Variants in SACS observed in about 807,000 individuals in gnomAD.
The protein encoded by SACS is sacsin.
In SACS, 197 loss-of-function variants were observed where a neutral mutation model predicts 348.0. That is an observed-to-expected ratio of 0.57 (90% confidence interval 0.50 to 0.64). SACS has a LOEUF of 0.64. SACS is among the 30% of genes least tolerant of loss of function. The pLI, the probability that SACS is intolerant of heterozygous loss-of-function variation, is 0.00. For synonymous variants in SACS, 1,985 were observed against 1,910.6 expected (o/e 1.04, Z -1.02); for missense variants, 4,999 against 5,360.8 (o/e 0.93, Z 2.11).
intron 9 of SACS, among the ~76,000 whole-genome samples, chr13:23,345,936 A>G: frequency 6.6e-6 from 1 of 152,162 alleles, no homozygotes; most frequent in East Asian, 1.9e-4. Flanking sequence ...GTAAAATGAC[A>G]CACGAGGCAC....
chr13:23,334,216 A>C lies in SACS; in HGVS notation c.9660T>G (p.Ser3220=). The C allele has an allele frequency of 6.2e-7, 1 of 1,613,810 alleles. No individual in the cohort carries two copies. The highest frequency in any genetic ancestry group is 8.5e-7 in the Non-Finnish European group (1 of 1,179,812). Residue 3220 remains serine, a synonymous_variant, in exon 10 of 10, where the codon TCT becomes TCG. Transcript: ENST00000382292. ...DISSFADLLS[S]VLPREYKTKS... Reference sequence around the variant, plus strand: ...TGGTCTTATATTCTCGAGGCAACACAGAGGATAACAAATCAGCAAAGCTGG... The same window carrying C: ...TGGTCTTATATTCTCGAGGCAACACCGAGGATAACAAATCAGCAAAGCTGG...
At chr13:23,425,811 C>T (rs1434022000) in intron 1 of SACS, among the ~76,000 whole-genome samples, 2 of 152,234 alleles carry the variant, frequency 1.3e-5, no homozygotes, top group African/African-American at 2.4e-5. Flanking sequence ...GGAGTGGGCT[C>T]GTGCCTATGA....
chr13:23,383,702 G>A (rs1415100931), intron 2 of SACS, among the ~76,000 whole-genome samples: 1 of 151,974 alleles, frequency 6.6e-6, no homozygotes, highest in Non-Finnish European at 1.5e-5. Context: ...ACTGTTTAAG[G>A]AAAAACGGCA....
chr13:23,339,282 C>A lies in SACS; in HGVS notation c.4594G>T (p.Asp1532Tyr). ...CTAGTTATGTTCACAAAATCTGAAT[C>A]TGAGAATTGAGAATTGTTGAATGAC... ...LWSFNNSQFS[D>Y]SDFVNITRLG... Residue 1532 changes from aspartate to tyrosine, a missense_variant, in exon 10 of 10, where the codon GAT (aspartate) becomes TAT (tyrosine). Around this residue, in one of 6 missense-constraint regions of SACS, gnomAD observed 3,156 missense variants for 3,380.1 expected, o/e 0.93. Coordinates refer to ENST00000382292, the MANE Select transcript of SACS (RefSeq NM_014363.6). The A allele has an allele frequency of 6.2e-7, 1 of 1,604,776 alleles. No individual in the cohort carries two copies. Among genetic ancestry groups the A allele is most frequent in the Non-Finnish European group, 8.5e-7 (1 of 1,176,278 alleles).
At chr13:23,399,324 C>A (rs1872853355) in intron 2 of SACS, among the ~76,000 whole-genome samples, 2 of 152,160 alleles carry the variant, frequency 1.3e-5, no homozygotes, top group Non-Finnish European at 2.9e-5. Flanking sequence ...TCCTAAGCTA[C>A]TTGCTCTGTA....
chr13:23,338,429 G>C lies in SACS; in HGVS notation c.5447C>G (p.Thr1816Ser). The part of the protein sequence containing the change: ...DELSQKTVEC[T>S]TWLLCTCMDT... ...CATGCAAGTACACAGAAGCCACGTG[G>C]TACACTCTACTGTTTTCTGTGACAA... Residue 1816 changes from threonine to serine, a missense_variant, in exon 10 of 10, where the codon ACC (threonine) becomes AGC (serine). Physicochemically the swap from Thr to Ser is moderately conservative, Grantham distance 58 (BLOSUM62 1). This residue lies in a region of SACS where 3,156 missense variants were observed against 3,380.1 expected (regional missense o/e 0.93). Transcript: ENST00000382292. 1 of 1,614,026 alleles carries C rather than the reference G, an allele frequency of 6.2e-7. No individual in the cohort carries two copies. The highest frequency in any genetic ancestry group is 8.5e-7 in the Non-Finnish European group (1 of 1,179,990).
In SACS at chr13:23,340,331, G is replaced by A. The variant is rs373859681; in HGVS notation, c.3545C>T (p.Ala1182Val). ...GCCTACATCACACATATCTGGTGGT[G>A]CACAGAGATTACAGAGATCTCCTTT... ...VWKGDLCNLC[A>V]PPDMCDVGHA... is the part of the protein sequence containing the mutation. Residue 1182 changes from alanine (A) to valine (V), a missense_variant, in exon 10 of 10, where the codon GCA becomes GTA. Physicochemically the swap from Ala to Val is moderately conservative, Grantham distance 64. Coordinates refer to ENST00000382292, the MANE Select transcript of SACS (RefSeq NM_014363.6). 29 of 1,613,940 alleles carry A rather than the reference G, an allele frequency of 1.8e-5. No individual in the cohort carries two copies. The highest frequency in any genetic ancestry group is 2.0e-5 in the Non-Finnish European group (24 of 1,179,942).
At chr13:23,423,027 T>G (rs1330682841) in intron 1 of SACS, among the ~76,000 whole-genome samples, 2 of 152,152 alleles carry the variant, frequency 1.3e-5, no homozygotes, top group African/African-American at 2.4e-5. Flanking sequence ...GTAGAACCTA[T>G]TTAATGAGAT....
At chr13:23,432,558 T>C (rs1040965416) in intron 1 of SACS, among the ~76,000 whole-genome samples, 1 of 152,198 alleles carries the variant, frequency 6.6e-6, no homozygotes, top group African/African-American at 2.4e-5. Flanking sequence ...TGGGACATCA[T>C]GACCCTGCAT....
At chr13:23,415,652 C>T (rs562114721) in intron 1 of SACS, among the ~76,000 whole-genome samples, 1 of 152,214 alleles carries the variant, frequency 6.6e-6, no homozygotes, top group South Asian at 2.1e-4. Context: ...GATCTTTGGC[C>T]TACTTGTGCA....
Position 23,341,040 on chromosome 13 carries a change from C to T in SACS, c.2836G>A (p.Gly946Ser). The T allele has an allele frequency of 6.2e-7, 1 of 1,614,052 alleles. No homozygotes were observed. The highest frequency in any genetic ancestry group is 8.5e-7 in the Non-Finnish European group (1 of 1,179,962). Residue 946 changes from glycine to serine, a missense_variant, in exon 10 of 10, where the codon GGT becomes AGT. Physicochemically the swap from Gly to Ser is moderately conservative, Grantham distance 56 (BLOSUM62 0). Around this residue, in one of 6 missense-constraint regions of SACS, gnomAD observed 3,156 missense variants for 3,380.1 expected, o/e 0.93. Coordinates refer to ENST00000382292, the MANE Select transcript of SACS (RefSeq NM_014363.6). ...GCAGTATGGTGTAAGACTTTACAAC[C>T]TTTCAATTTTGTATAAGAGGAAATT... The part of the protein sequence containing the change: ...QGISSYTKLK[G>S]CKVLHHTAKL...
At position 23,329,645 on chromosome 13, in the gene SACS, C is replaced by G. The variant is rs940741662; in HGVS notation, c.*491G>C. The stretch of plus-strand genomic sequence containing the variant: ...GTACAACATAAAATTACAACAAATT[C>G]ATGATCAGAGCCAGCTGATGAGAAA... On this transcript the variant is annotated 3_prime_UTR_variant, in exon 10 of 10. Transcript: ENST00000382292. The G allele has an allele frequency of 3.4e-5, 18 of 535,548 alleles. No individual in the cohort carries two copies. The highest frequency in any genetic ancestry group is 4.9e-5 in the Non-Finnish European group (15 of 308,330). The allele number at this position is 535,548 out of a possible 1,614,324, so 33.2% of individuals were successfully genotyped here.
In SACS at chr13:23,329,060, C is replaced by T. The variant is rs1442688269; in HGVS notation, c.*1076G>A. On this transcript the variant is annotated 3_prime_UTR_variant, in exon 10 of 10. Transcript: ENST00000382292. ...ATAAACTAATTATCATTACCTTTTA[C>T]ATTCTGCAAAAGAAATATGTTAAAG... 2 of 186,594 alleles carry T rather than the reference C, an allele frequency of 1.1e-5. No homozygotes were observed. Among genetic ancestry groups the T allele is most frequent in the African/African-American group, 2.4e-5 (1 of 42,318 alleles). 11.6% of individuals were successfully genotyped at this position (186,594 alleles called of 1,614,324 possible).
At chr13:23,403,164 T>G (rs1480144344) in intron 2 of SACS, among the ~76,000 whole-genome samples, 1 of 150,056 alleles carries the variant, frequency 6.7e-6, no homozygotes, top group African/African-American at 2.5e-5. Flanking sequence ...GGCAACAGAG[T>G]GAGACTCCAC....
Position 23,333,690 on chromosome 13 carries a change from T to G in SACS, c.10186A>C (p.Asn3396His), listed in dbSNP as rs1231845224. Residue 3396 changes from asparagine to histidine, a missense_variant, in exon 10 of 10, where the codon AAT becomes CAT. Asn to His is a moderately conservative substitution (Grantham distance 68). Around this residue, in one of 6 missense-constraint regions of SACS, gnomAD observed 734 missense variants for 694.0 expected, o/e 1.06. Coordinates refer to ENST00000382292, the MANE Select transcript of SACS (RefSeq NM_014363.6). ...ATATCATCTTGGGACATCAAATGAT[T>G]CAAATTGCAGTTGAAATACATCAAA... ...ALLMYFNCNL[N>H]HLMSQDDIKI... is the part of the protein sequence containing the mutation. The G allele has an allele frequency of 1.2e-6, 2 of 1,613,750 alleles. No homozygotes were observed. Among genetic ancestry groups the G allele is most frequent in the South Asian group, 2.2e-5 (2 of 91,076 alleles).
At position 23,409,040 on chromosome 13, in the gene SACS, CTTTTTTTTTTTTTT is replaced by C. The variant is rs1175897856; in HGVS notation, c.20+2166_20+2179del. 1.1e-3 allele frequency among the ~76,000 whole-genome samples: 39 copies of C among 35,150 alleles called. 1 individual carries two copies. In the South Asian group the frequency reaches 0.028, roughly 26 times the overall value. The allele number at this position is 35,150 out of a possible 152,430, so 23.1% of individuals were successfully genotyped here. A position where few individuals can be genotyped will look rare whatever the true frequency, so the allele number is the denominator to read the frequency against. The stretch of plus-strand genomic sequence containing the variant: ...TATGGTCTTAATAAAACAAGTTTTA[CTTTTTTTTTTTTTT>C]TTTTTTTTTTTTTTTTGAGACGGAG... On this transcript the variant is annotated intron_variant, in intron 2 of 9. Coordinates refer to ENST00000382292, the MANE Select transcript of SACS (RefSeq NM_014363.6).
intron 1 of SACS, among the ~76,000 whole-genome samples, chr13:23,432,858 A>G (rs2138034480): frequency 6.6e-6 from 1 of 152,258 alleles, no homozygotes; most frequent in Middle Eastern, 3.4e-3. Flanking sequence ...GGCAGAGAGA[A>G]TTAAGATTAA....
intron 2 of SACS, among the ~76,000 whole-genome samples, chr13:23,403,150 C>G (rs895800333): frequency 2.1e-4 from 32 of 151,756 alleles, no homozygotes; most frequent in African/African-American, 7.5e-4. Context: ...TGCACTCTAG[C>G]CTGGGCAACA....
In SACS at chr13:23,341,637, T is replaced by A; in HGVS notation, c.2239A>T (p.Ile747Phe). The change falls in exon 10 of 10, where the codon ATC becomes TTC. Residue 747 changes from isoleucine (I) to phenylalanine (F), a missense_variant. Ile to Phe is a conservative substitution (Grantham distance 21). This residue lies in a region of SACS where 3,156 missense variants were observed against 3,380.1 expected (regional missense o/e 0.93). Transcript: ENST00000382292. ...CAGAATGTATTCATTACTTCCTTGA[T>A]AAGACGTGCAAATCGTTCTGGATTT... ...LLNPERFARL[I>F]KEVMNTFWPG... 1.2e-6 allele frequency: 2 copies of A among 1,613,590 alleles called. No homozygotes were observed. The highest frequency in any genetic ancestry group is 1.7e-6 in the Non-Finnish European group (2 of 1,179,962).
Sources: allele counts gnomAD v4.1 joint callset (sites outside exome capture counted in the v4.1 genomes callset), GRCh38; gene constraint gnomAD v4.1.1; regional missense constraint gnomAD v4.1.1; transcripts MANE v1.5; gene names NCBI Gene and HGNC (gene_info 2026-07-23, HGNC 2026-07-21).